Variants in CSDE1 observed in about 807,000 individuals in gnomAD.
CSDE1 encodes the protein cold shock domain-containing protein E1.
A neutral mutation model predicts 89.3 loss-of-function variants in CSDE1; 17 were observed. The observed-to-expected ratio is 0.19, with a 90% CI of 0.13 to 0.29. CSDE1 has a LOEUF of 0.29. CSDE1 is among the 10% of genes least tolerant of loss of function. The pLI is 1.00. For missense variants in CSDE1, 672 were observed against 984.2 expected (o/e 0.68, Z 4.24); for synonymous variants, 322 against 332.8 (o/e 0.97, Z 0.35).
Position 114,717,798 on chromosome 1 carries a change from G to A in CSDE1, c.*371C>T, listed in dbSNP as rs898153119. Reference sequence around the variant, plus strand: ...GCCAGAAGTAATTAATGAAGGTAGAGTATATAATGAAAAGTGCAGAATTTC... The same window carrying A: ...GCCAGAAGTAATTAATGAAGGTAGAATATATAATGAAAAGTGCAGAATTTC... On this transcript the variant is annotated 3_prime_UTR_variant, in exon 20 of 20. Transcript: ENST00000358528. 7.2e-5 allele frequency: 16 copies of A among 222,752 alleles called. No individual in the cohort carries two copies. The highest frequency in any genetic ancestry group is 1.4e-4 in the Non-Finnish European group (16 of 113,112). 13.8% of individuals were successfully genotyped at this position (222,752 alleles called of 1,614,324 possible). A position where few individuals can be genotyped will look rare whatever the true frequency, so the allele number is the denominator to read the frequency against.
intron 13 of CSDE1, among the ~76,000 whole-genome samples, chr1:114,726,743 GATTTT>G (rs943200734): frequency 3.4e-4 from 51 of 152,214 alleles, no homozygotes; most frequent in African/African-American, 1.1e-3. Flanking sequence ...TACCAATAAC[GATTTT>G]ATTAAGCATG....
rs752857836 is a variant in CSDE1, at chr1:114,736,805, C to A, written c.453G>T (p.Gln151His). The change falls in exon 6 of 20, where the codon CAG becomes CAT. Residue 151 changes from glutamine (Q) to histidine (H), a missense_variant. By Grantham distance (24) the Gln-to-His change is conservative. Around this residue, in one of 8 missense-constraint regions of CSDE1, gnomAD observed 124 missense variants for 138.7 expected, o/e 0.89. Coordinates refer to ENST00000358528, the MANE Select transcript of CSDE1 (RefSeq NM_001007553.3). Reference sequence around the variant, plus strand: ...AGTTTATTTTATCTCCAGTTTCCAGCTGAACGTTCCCTTCGACATCTTCAG... The same window carrying A: ...AGTTTATTTTATCTCCAGTTTCCAGATGAACGTTCCCTTCGACATCTTCAG... ...YTPEDVEGNV[Q>H]LETGDKINFV... The A allele has an allele frequency of 1.9e-6, 3 of 1,613,230 alleles. No homozygotes were observed. Among genetic ancestry groups the A allele is most frequent in the South Asian group, 2.2e-5 (2 of 90,972 alleles).
At chr1:114,752,795 T>C (rs1336499583) in intron 1 of CSDE1, among the ~76,000 whole-genome samples, 1 of 152,228 alleles carries the variant, frequency 6.6e-6, no homozygotes, top group African/African-American at 2.4e-5. Context: ...CACCAAGCAA[T>C]TTGCAGCAAG....
At chr1:114,750,732 C>CTT (rs1482078019) in intron 1 of CSDE1, among the ~76,000 whole-genome samples, 1 of 152,096 alleles carries the variant, frequency 6.6e-6, no homozygotes, top group East Asian at 1.9e-4. Context: ...GCAACCAAGG[C>CTT]TTTTAAATAA....
intron 2 of CSDE1, 67 bp from the exon 3 acceptor site, chr1:114,739,957 T>A: frequency 1.5e-6 from 2 of 1,331,578 alleles, no homozygotes; most frequent in Admixed American, 3.8e-5. Context: ...TAAGTCTGGT[T>A]AATAAGTCAC....
At chr1:114,738,456 T>A (rs1011508471) in intron 3 of CSDE1, among the ~76,000 whole-genome samples, 20 of 152,034 alleles carry the variant, frequency 1.3e-4, no homozygotes, top group Admixed American at 9.2e-4. Flanking sequence ...GTTTTTTTTT[T>A]AAACTCCTCT....
intron 2 of CSDE1, among the ~76,000 whole-genome samples, chr1:114,745,813 G>A (rs866694834): frequency 6.6e-6 from 1 of 152,164 alleles, no homozygotes; most frequent in South Asian, 2.1e-4. Flanking sequence ...AACTTCATTT[G>A]TAACTCAAGA....
At chr1:114,723,093 G>A (rs1659614728) in intron 16 of CSDE1, among the ~76,000 whole-genome samples, 2 of 151,998 alleles carry the variant, frequency 1.3e-5, no homozygotes, top group Admixed American at 6.6e-5. Context: ...TCCTGGCCTC[G>A]TGATCCGCCC....
chr1:114,748,656 T>C (rs1013620263), intron 2 of CSDE1, among the ~76,000 whole-genome samples: 2 of 152,218 alleles, frequency 1.3e-5, no homozygotes, highest in Non-Finnish European at 2.9e-5. Flanking sequence ...TCCACATTTA[T>C]CTTCAGATTC....
At chr1:114,736,716 A>G in intron 6 of CSDE1, 42 bp downstream of exon 6, 2 of 1,378,586 alleles carry the variant, frequency 1.5e-6, no homozygotes, top group South Asian at 1.3e-5. Context: ...GGGGGGAAAA[A>G]AAAACCGCTT....
rs139337371 is a variant in CSDE1, at chr1:114,732,710, T to C, written c.944A>G (p.His315Arg). 39 of 1,614,048 alleles carry C rather than the reference T, an allele frequency of 2.4e-5. No individual in the cohort carries two copies. The highest frequency in any genetic ancestry group is 3.1e-5 in the Non-Finnish European group (36 of 1,180,018). ...KSKVTLLEGD[H>R]VRFNISTDRR... ...GTCTGTTGAAATATTAAACCTAACA[T>C]GGTCACCTTCCAGCAGGGTCACCTT... The change falls in exon 10 of 20, where the codon CAT becomes CGT. Residue 315 changes from histidine (H) to arginine (R), a missense_variant. Physicochemically the swap from His to Arg is conservative, Grantham distance 29 (BLOSUM62 0). Coordinates refer to ENST00000358528, the MANE Select transcript of CSDE1 (RefSeq NM_001007553.3).
chr1:114,752,585 G>C (rs934561907), intron 1 of CSDE1, among the ~76,000 whole-genome samples: 2 of 152,090 alleles, frequency 1.3e-5, no homozygotes, highest in African/African-American at 2.4e-5. Context: ...AGTTCTACCA[G>C]AAGTCCATTA....
chr1:114,721,250 A>T (rs1659504028), intron 16 of CSDE1, among the ~76,000 whole-genome samples: 1 of 152,090 alleles, frequency 6.6e-6, no homozygotes, highest in African/African-American at 2.4e-5. Flanking sequence ...CATTTTCCTA[A>T]AGGGCCGGAG....
intron 2 of CSDE1, among the ~76,000 whole-genome samples, chr1:114,743,862 T>C (rs1660869089): frequency 6.6e-6 from 1 of 152,206 alleles, no homozygotes; most frequent in African/African-American, 2.4e-5. Context: ...CTAGCCTTTA[T>C]CCATTTGGAG....
chr1:114,730,157 A>T (rs1430837424), intron 12 of CSDE1, 101 bp downstream of exon 12: 1 of 1,331,002 alleles, frequency 7.5e-7, no homozygotes, highest in East Asian at 2.3e-5. Context: ...ATTCTGAAAG[A>T]GACAAACTTC....
Position 114,730,359 on chromosome 1 carries a change from A to C in CSDE1, c.1255T>G (p.Ser419Ala). Residue 419 changes from serine (S) to alanine (A), a missense_variant, in exon 12 of 20, where the codon TCA becomes GCA. This residue lies in a region of CSDE1 where 169 missense variants were observed against 262.9 expected (regional missense o/e 0.64). Transcript: ENST00000358528. ...RIKKLPKGTV[S>A]FHSHSDHRFL... ...CGGTGATCTGAATGGGAATGAAATG[A>C]AACCGTGCCCTTGGGAAGTTTTTTA... The C allele has an allele frequency of 1.2e-6, 2 of 1,614,206 alleles. No homozygotes were observed.
At position 114,756,632 on chromosome 1, in the gene CSDE1, G is replaced by A. The variant is rs944186844; in HGVS notation, c.-388+1293C>T. ...GGCTGAGAACTGCCAGTTCATACCA[G>A]CCTGATGAAAATTTAAGCCTCTCAA... On this transcript the variant is annotated intron_variant, in intron 1 of 19. Coordinates refer to ENST00000358528, the MANE Select transcript of CSDE1 (RefSeq NM_001007553.3). 2.6e-5 allele frequency: 4 copies of A among 152,308 alleles called. No homozygotes were observed. The South Asian group carries it at 6.2e-4, about 24-fold the overall frequency. 9.4% of individuals were successfully genotyped at this position (152,308 alleles called of 1,614,324 possible). A position where few individuals can be genotyped will look rare whatever the true frequency, so the allele number is the denominator to read the frequency against.
intron 1 of CSDE1, among the ~76,000 whole-genome samples, chr1:114,750,834 A>G (rs951955938): frequency 1.3e-5 from 2 of 152,256 alleles, no homozygotes; most frequent in African/African-American, 2.4e-5. Flanking sequence ...ACATAAGTCA[A>G]GCGAGAATAT....
chr1:114,750,989 GA>G (rs1661275489), intron 1 of CSDE1, among the ~76,000 whole-genome samples: 1 of 152,228 alleles, frequency 6.6e-6, no homozygotes, highest in South Asian at 2.1e-4. Flanking sequence ...AGCCTGGCTA[GA>G]ACAGAGAGCT....
Sources: allele counts gnomAD v4.1 joint callset (sites outside exome capture counted in the v4.1 genomes callset), GRCh38; gene constraint gnomAD v4.1.1; regional missense constraint gnomAD v4.1.1; transcripts MANE v1.5; gene names NCBI Gene and HGNC (gene_info 2026-07-23, HGNC 2026-07-21).